The following EXT1 variants were observed in gnomAD, a reference collection of about 807,000 sequenced individuals.
EXT1 encodes exostosin-1.
In EXT1, 20 loss-of-function variants were observed where a neutral mutation model predicts 82.5. The ratio of observed to expected loss-of-function variants is 0.24; its 90% CI spans 0.17 to 0.35. EXT1 has a LOEUF of 0.35. Ranked by LOEUF, EXT1 falls within the 10% of genes least tolerant of loss-of-function variation. The pLI is 1.00. For missense variants in EXT1, 757 were observed against 936.5 expected, an observed-to-expected ratio of 0.81 and a Z score of 2.50; for synonymous variants, 348 against 350.8, an observed-to-expected ratio of 0.99 and a Z score of 0.09.
chr8:117,942,679 C>T (rs1814309007), intron 1 of EXT1, among the ~76,000 whole-genome samples: 1 of 152,032 alleles, frequency 6.6e-6, no homozygotes, highest in African/African-American at 2.4e-5. Flanking sequence ...CCATTGCACT[C>T]CAGTCTGAGC....
intron 1 of EXT1, among the ~76,000 whole-genome samples, chr8:117,874,133 A>C (rs769431340): frequency 6.6e-6 from 1 of 152,222 alleles, no homozygotes; most frequent in Non-Finnish European, 1.5e-5. Flanking sequence ...GAAATTCCTA[A>C]TTTTAAATGG....
At chr8:118,069,546 G>A (rs1216192991) in intron 1 of EXT1, among the ~76,000 whole-genome samples, 5 of 152,138 alleles carry the variant, frequency 3.3e-5, no homozygotes, top group Non-Finnish European at 7.4e-5. Context: ...TAAGTGGTAG[G>A]TAGCATGTTT....
At chr8:118,004,109 G>GA (rs889036900) in intron 1 of EXT1, among the ~76,000 whole-genome samples, 5 of 149,896 alleles carry the variant, frequency 3.3e-5, no homozygotes, top group African/African-American at 9.7e-5. Context: ...GCAGAGGCAG[G>GA]AAAAAAAAAA....
intron 1 of EXT1, among the ~76,000 whole-genome samples, chr8:117,980,718 T>G (rs867250377): frequency 0.019 from 2,759 of 143,742 alleles, 80 homozygotes; most frequent in African/African-American, 0.029. Flanking sequence ...TTTTTTTTTT[T>G]TTTTTTTTTT....
At chr8:118,024,324 G>C (rs1816165937) in intron 1 of EXT1, among the ~76,000 whole-genome samples, 1 of 152,136 alleles carries the variant, frequency 6.6e-6, no homozygotes, top group South Asian at 2.1e-4. Context: ...AAGGTCTACA[G>C]AGAAAACATG....
chr8:117,920,672 C>T (rs1357297270), intron 1 of EXT1, among the ~76,000 whole-genome samples: 2 of 152,194 alleles, frequency 1.3e-5, no homozygotes, highest in African/African-American at 4.8e-5. Flanking sequence ...CTTACAGTCG[C>T]TCATTAGTTA....
chr8:117,985,055 A>G (rs1815289473), intron 1 of EXT1, among the ~76,000 whole-genome samples: 1 of 152,082 alleles, frequency 6.6e-6, no homozygotes, highest in African/African-American at 2.4e-5. Context: ...TGCTTAAGAG[A>G]AAGAGTTGCC....
intron 8 of EXT1, among the ~76,000 whole-genome samples, chr8:117,808,775 T>C (rs909267870): frequency 2.0e-5 from 3 of 152,104 alleles, no homozygotes; most frequent in Non-Finnish European, 4.4e-5. Flanking sequence ...AGATTAAAGA[T>C]GATTTCTGGG....
At chr8:118,083,029 G>C (rs1817358877) in intron 1 of EXT1, among the ~76,000 whole-genome samples, 1 of 152,114 alleles carries the variant, frequency 6.6e-6, no homozygotes, top group South Asian at 2.1e-4. Context: ...TATAGCCCAA[G>C]ACATTTTTAC....
rs768479559 is a variant in EXT1, at chr8:117,807,201, T to C, written c.1883+16A>G. ...AGCTATGTAAAGTCTGTAAGAGACA[T>C]GTCCAGATTCCTCACTTGTGGTAAA... On this transcript the variant is annotated intron_variant, in intron 9 of 10. Transcript: ENST00000378204. The C allele has an allele frequency of 3.0e-5, 48 of 1,614,022 alleles. No individual in the cohort carries two copies. The highest frequency in any genetic ancestry group is 3.7e-5 in the Non-Finnish European group (44 of 1,179,978).
rs1023957743 is a variant in EXT1, at chr8:117,945,437, A to AG, written c.963-108237dup. ...GGAGCTCTTGATGCCATTTGGGCAA[A>AG]GGGGGGCAAGTTTAAGGATCAGGGG... On this transcript the variant is annotated intron_variant, in intron 1 of 10. Transcript: ENST00000378204. Among the ~76,000 whole-genome samples, 16 of 152,246 alleles carry AG rather than the reference A, an allele frequency of 1.1e-4. No individual in the cohort carries two copies. In the South Asian group the frequency reaches 2.1e-3, roughly 20 times the overall value.
At chr8:118,000,614 C>G (rs1183554969) in intron 1 of EXT1, among the ~76,000 whole-genome samples, 1 of 152,182 alleles carries the variant, frequency 6.6e-6, no homozygotes, top group African/African-American at 2.4e-5. Flanking sequence ...GCCCTGACCT[C>G]GCAGCTGCCC....
chr8:117,861,757 G>C (rs1282891193), intron 1 of EXT1, among the ~76,000 whole-genome samples: 1 of 144,334 alleles, frequency 6.9e-6, no homozygotes, highest in African/African-American at 2.4e-5. Flanking sequence ...CAGCCTCCCA[G>C]AGTGCTGAGA....
At chr8:118,074,804 A>T (rs1023762361) in intron 1 of EXT1, among the ~76,000 whole-genome samples, 4 of 152,226 alleles carry the variant, frequency 2.6e-5, no homozygotes, top group African/African-American at 9.6e-5. Context: ...AAAGCATATA[A>T]ATCCCTTTAC....
intron 7 of EXT1, among the ~76,000 whole-genome samples, chr8:117,816,201 A>C (rs1036285846): frequency 6.6e-6 from 1 of 152,104 alleles, no homozygotes; most frequent in African/African-American, 2.4e-5. Flanking sequence ...CATTTATTGA[A>C]AGGGGGCATC....
intron 3 of EXT1, among the ~76,000 whole-genome samples, chr8:117,830,806 A>G (rs1812085934): frequency 6.6e-6 from 1 of 152,226 alleles, no homozygotes; most frequent in Non-Finnish European, 1.5e-5. Flanking sequence ...GAGAATGTCT[A>G]TGAGCCTTCC....
intron 8 of EXT1, among the ~76,000 whole-genome samples, chr8:117,809,738 G>A (rs1298385000): frequency 6.6e-6 from 1 of 152,100 alleles, no homozygotes; most frequent in Non-Finnish European, 1.5e-5. Context: ...AAAGGTAGCA[G>A]GGGATGGTGA....
At chr8:117,901,159 G>A (rs9656804) in intron 1 of EXT1, among the ~76,000 whole-genome samples, 7,601 of 152,228 alleles carry the variant, frequency 0.05, 635 homozygotes, top group African/African-American at 0.17. Context: ...TAAGAAGTGC[G>A]GTATTAGGAG....
chr8:118,043,364 G>A lies in EXT1; in HGVS notation c.962+66721C>T, dbSNP rs114511996. On this transcript the variant is annotated intron_variant, in intron 1 of 10. Transcript: ENST00000378204. ...TCCAAACTTGATACCTGCAGGGAATGGGACAGAATTATTTCCTAGGAAAGA... is the reference window on the plus strand; with the variant it reads ...TCCAAACTTGATACCTGCAGGGAATAGGACAGAATTATTTCCTAGGAAAGA... Among the ~76,000 whole-genome samples, 853 of 152,286 alleles carry A rather than the reference G, an allele frequency of 5.6e-3. 9 individuals carry two copies. Among genetic ancestry groups the A allele is most frequent in the African/African-American group, 0.019 (789 of 41,554 alleles).
Sources: allele counts gnomAD v4.1 joint callset (sites outside exome capture counted in the v4.1 genomes callset), GRCh38; gene constraint gnomAD v4.1.1; transcripts MANE v1.5; gene names NCBI Gene and HGNC (gene_info 2026-07-23, HGNC 2026-07-21).